Variants in ROR1 observed in about 807,000 individuals in gnomAD.
ROR1 encodes ROR family WNT receptor 1, also known as inactive tyrosine-protein kinase transmembrane receptor ROR1.
In ROR1, 19 loss-of-function variants were observed where a neutral mutation model predicts 78.8. The observed-to-expected ratio is 0.24, with a 90% CI of 0.17 to 0.35. The LOEUF (loss-of-function observed/expected upper bound fraction) is 0.35, where lower values mean the gene tolerates loss of function less well. ROR1 is among the 10% of genes least tolerant of loss of function. The probability of loss-of-function intolerance (pLI) is 1.00; values close to 1 mark genes in which losing one functional copy is unlikely to be tolerated. For missense variants in ROR1, 917 were observed against 1,177.8 expected (o/e 0.78, Z 3.24); for synonymous variants, 386 against 433.6 (o/e 0.89, Z 1.36).
At chr1:64,054,185 C>G (rs1389562141) in intron 4 of ROR1, among the ~76,000 whole-genome samples, 2 of 152,168 alleles carry the variant, frequency 1.3e-5, no homozygotes, top group Non-Finnish European at 2.9e-5. Context: ...AACTCCTGGC[C>G]TCAAGCAACC....
intron 7 of ROR1, among the ~76,000 whole-genome samples, chr1:64,155,215 T>C (rs1434834300): frequency 6.6e-6 from 1 of 152,198 alleles, no homozygotes; most frequent in African/African-American, 2.4e-5. Flanking sequence ...GGAATACAAA[T>C]GCTCGGACTT....
intron 2 of ROR1, among the ~76,000 whole-genome samples, chr1:64,012,485 G>A (rs1437117471): frequency 6.6e-6 from 1 of 152,182 alleles, no homozygotes; most frequent in Non-Finnish European, 1.5e-5. Flanking sequence ...ACTGACAGCA[G>A]CAAACCTAAA....
chr1:63,909,949 C>A (rs773007370), intron 1 of ROR1, among the ~76,000 whole-genome samples: 1 of 152,110 alleles, frequency 6.6e-6, no homozygotes, highest in Non-Finnish European at 1.5e-5. Flanking sequence ...TGCTTCCTGG[C>A]CTGGAAGTGT....
At chr1:63,954,305 C>G (rs893668237) in intron 1 of ROR1, among the ~76,000 whole-genome samples, 4 of 152,188 alleles carry the variant, frequency 2.6e-5, no homozygotes, top group Admixed American at 2.6e-4. Flanking sequence ...CATTTGAGGG[C>G]ACAACCTAGA....
chr1:63,939,623 G>A (rs980600032), intron 1 of ROR1, among the ~76,000 whole-genome samples: 1 of 152,166 alleles, frequency 6.6e-6, no homozygotes, highest in Non-Finnish European at 1.5e-5. Flanking sequence ...TTTGGATTCT[G>A]ATTTTACAGT....
chr1:64,056,697 T>C (rs4915938), intron 4 of ROR1, among the ~76,000 whole-genome samples: 43,232 of 150,774 alleles, frequency 0.29, 7,785 homozygotes, highest in East Asian at 0.52. Flanking sequence ...AAAACAAACA[T>C]TATTATAGCC....
intron 6 of ROR1, among the ~76,000 whole-genome samples, chr1:64,140,889 C>T (rs958226784): frequency 6.6e-6 from 1 of 152,134 alleles, no homozygotes; most frequent in Non-Finnish European, 1.5e-5. Flanking sequence ...AATACAGATA[C>T]GTGCTACAAA....
At position 64,009,388 on chromosome 1, in the gene ROR1, G is replaced by A; in HGVS notation, c.163+12G>A. ...TGAACTCAACAAAGGTACACAGTGG[G>A]GGCACACAGGGGAGGCGAGGAAAGA... On this transcript the variant is annotated intron_variant, in intron 2 of 8. Transcript: ENST00000371079. 1 of 1,598,756 alleles carries A rather than the reference G, an allele frequency of 6.3e-7. No homozygotes were observed. Among genetic ancestry groups the A allele is most frequent in the Non-Finnish European group, 8.6e-7 (1 of 1,166,378 alleles).
chr1:63,812,597 A>C (rs540339804), intron 1 of ROR1, among the ~76,000 whole-genome samples: 10 of 152,358 alleles, frequency 6.6e-5, no homozygotes, highest in African/African-American at 2.2e-4. Context: ...GCAGACTTTT[A>C]ATGACACACT....
chr1:63,983,485 C>A (rs1157787599), intron 1 of ROR1, among the ~76,000 whole-genome samples: 8 of 152,140 alleles, frequency 5.3e-5, no homozygotes, highest in African/African-American at 4.8e-5. Context: ...ACTTTCCACA[C>A]CTTTTCAGGG....
At chr1:64,134,914 AATT>A (rs1649049650) in intron 4 of ROR1, among the ~76,000 whole-genome samples, 1 of 151,876 alleles carries the variant, frequency 6.6e-6, no homozygotes, top group Non-Finnish European at 1.5e-5. Context: ...ACACCCAACT[AATT>A]TTTGTATTTT....
At chr1:64,089,100 AATT>A (rs1461401659) in intron 4 of ROR1, among the ~76,000 whole-genome samples, 1 of 152,126 alleles carries the variant, frequency 6.6e-6, no homozygotes, top group Admixed American at 6.6e-5. Context: ...GATGGTGAGA[AATT>A]ATTATATACA....
At chr1:64,169,239 TGTTTG>T (rs1250418510) in intron 8 of ROR1, among the ~76,000 whole-genome samples, 2 of 152,208 alleles carry the variant, frequency 1.3e-5, no homozygotes, top group African/African-American at 2.4e-5. Context: ...TGTATTAGTC[TGTTTG>T]AACACTGCTG....
intron 4 of ROR1, among the ~76,000 whole-genome samples, chr1:64,056,997 A>G (rs964645924): frequency 1.3e-5 from 2 of 152,220 alleles, no homozygotes; most frequent in African/African-American, 4.8e-5. Context: ...TTGAAACACA[A>G]AAGTTTTTCA....
At chr1:64,143,358 C>T in intron 7 of ROR1, 1 of 903,676 alleles carries the variant, frequency 1.1e-6, no homozygotes, top group Non-Finnish European at 1.3e-6. Flanking sequence ...CCATCTCTAC[C>T]AAAAAAAAGA....
At chr1:64,061,586 G>A (rs1325898907) in intron 4 of ROR1, among the ~76,000 whole-genome samples, 1 of 152,170 alleles carries the variant, frequency 6.6e-6, no homozygotes, top group East Asian at 1.9e-4. Flanking sequence ...GCCTGGGACT[G>A]CATTTCTTAC....
Position 63,950,376 on chromosome 1 carries a change from A to G in ROR1, c.92-58929A>G, listed in dbSNP as rs147173683. ...TTCTTCCTTTCAGACCATATAGGGT[A>G]ACTTCCAGATGTTGCCATGGCATTT... is the stretch of plus-strand genomic sequence containing the variant. On this transcript the variant is annotated intron_variant, in intron 1 of 8. Coordinates refer to ENST00000371079, the MANE Select transcript of ROR1 (RefSeq NM_005012.4). Among the ~76,000 whole-genome samples, 196 of 152,304 alleles carry G rather than the reference A, an allele frequency of 1.3e-3. 1 individual carries two copies. The highest frequency in any genetic ancestry group is 4.5e-3 in the African/African-American group (188 of 41,566).
At chr1:63,779,678 C>A (rs1644639405) in intron 1 of ROR1, among the ~76,000 whole-genome samples, 1 of 152,120 alleles carries the variant, frequency 6.6e-6, no homozygotes, top group Admixed American at 6.5e-5. Context: ...TTGCAGTAAG[C>A]TCAGTTGGGG....
chr1:63,921,752 T>C (rs1645656452), intron 1 of ROR1, among the ~76,000 whole-genome samples: 1 of 152,152 alleles, frequency 6.6e-6, no homozygotes, highest in Non-Finnish European at 1.5e-5. Flanking sequence ...ACTTGCTATG[T>C]GACCTAGTTT....
Sources: gnomAD v4.1 joint callset for allele counts (sites outside exome capture counted in the v4.1 genomes callset) on GRCh38, gnomAD v4.1.1 for gene constraint, MANE v1.5 for transcripts, NCBI Gene and HGNC (gene_info 2026-07-23, HGNC 2026-07-21) for gene names.